GTF2F2: variants seen among roughly 807,000 people sequenced by gnomAD.
GTF2F2 encodes general transcription factor IIF subunit 2.
GTF2F2 carries 23 observed loss-of-function variants against 42.2 expected under a neutral mutation model. The observed-to-expected ratio is 0.55, with a 90% CI of 0.39 to 0.77. The LOEUF (loss-of-function observed/expected upper bound fraction) is 0.77. Ranked by LOEUF, GTF2F2 falls within the 30% of genes least tolerant of loss-of-function variation. The pLI, the probability that GTF2F2 is intolerant of heterozygous loss-of-function variation, is 0.00. For synonymous variants in GTF2F2, 105 were observed against 100.8 expected (o/e 1.04, Z -0.25); for missense variants, 261 against 287.2 (o/e 0.91, Z 0.66).
chr13:45,211,484 A>G (rs1260542664), intron 5 of GTF2F2, among the ~76,000 whole-genome samples: 1 of 150,664 alleles, frequency 6.6e-6, no homozygotes, highest in Admixed American at 6.6e-5. Context: ...GCCCAGGCTG[A>G]TCTCAAACTC....
intron 2 of GTF2F2, among the ~76,000 whole-genome samples, chr13:45,147,233 G>A (rs1361377919): frequency 2.0e-5 from 3 of 152,040 alleles, no homozygotes; most frequent in African/African-American, 7.2e-5. Context: ...ACAATTTAAT[G>A]ACCTGCTATG....
intron 4 of GTF2F2, among the ~76,000 whole-genome samples, chr13:45,205,158 GGGTAGTTTATAAAGGAAACA>G: frequency 6.6e-6 from 1 of 152,280 alleles, no homozygotes; most frequent in South Asian, 2.1e-4. Flanking sequence ...GCCTGAGACT[GGGTAGTTTATAAAGGAAACA>G]GGTTTAATTG....
chr13:45,131,518 G>A (rs889984471), intron 1 of GTF2F2, among the ~76,000 whole-genome samples: 2 of 152,174 alleles, frequency 1.3e-5, no homozygotes, highest in African/African-American at 2.4e-5. Flanking sequence ...GTGGCAGGGA[G>A]GAGAGCCTGT....
chr13:45,244,097 G>C (rs773870872), intron 5 of GTF2F2, among the ~76,000 whole-genome samples: 1 of 152,226 alleles, frequency 6.6e-6, no homozygotes, highest in Non-Finnish European at 1.5e-5. Context: ...CAATGACTTA[G>C]TGACACTGAG....
intron 6 of GTF2F2, among the ~76,000 whole-genome samples, chr13:45,253,287 G>A (rs1157863131): frequency 6.6e-6 from 1 of 152,040 alleles, no homozygotes; most frequent in Non-Finnish European, 1.5e-5. Flanking sequence ...AAATTACAAT[G>A]TACTAACTAA....
chr13:45,207,357 G>T, intron 4 of GTF2F2, 67 bp from the exon 5 acceptor site: 1 of 879,608 alleles, frequency 1.1e-6, no homozygotes, highest in South Asian at 1.4e-5. Flanking sequence ...ACTGTGTTTA[G>T]TGTGTCAAAA....
chr13:45,247,249 G>T (rs1287455412), intron 5 of GTF2F2, among the ~76,000 whole-genome samples: 1 of 149,034 alleles, frequency 6.7e-6, no homozygotes, highest in Non-Finnish European at 1.5e-5. Context: ...GTAATCCCAA[G>T]AATCGCTTTA....
chr13:45,230,691 A>G (rs183530325), intron 5 of GTF2F2, among the ~76,000 whole-genome samples: 1 of 152,260 alleles, frequency 6.6e-6, no homozygotes, highest in African/African-American at 2.4e-5. Flanking sequence ...TATGTTATAC[A>G]TAACTAGCTA....
At chr13:45,238,078 A>C (rs1204712349) in intron 5 of GTF2F2, among the ~76,000 whole-genome samples, 1 of 152,042 alleles carries the variant, frequency 6.6e-6, no homozygotes, top group African/African-American at 2.4e-5. Flanking sequence ...CTCAGCCTCC[A>C]GAGTAGCTGG....
chr13:45,264,998 C>T (rs1199641359), intron 6 of GTF2F2, among the ~76,000 whole-genome samples: 8 of 152,130 alleles, frequency 5.3e-5, no homozygotes, highest in Admixed American at 2.6e-4. Context: ...TGGTGGCTCA[C>T]GCCTGTAATC....
intron 5 of GTF2F2, among the ~76,000 whole-genome samples, chr13:45,246,583 G>A (rs1208983460): frequency 6.6e-6 from 1 of 152,074 alleles, no homozygotes; most frequent in Non-Finnish European, 1.5e-5. Flanking sequence ...ATTCTATTCT[G>A]CAAATAGTAG....
chr13:45,257,225 T>C (rs866866806), intron 6 of GTF2F2, among the ~76,000 whole-genome samples: 2 of 152,190 alleles, frequency 1.3e-5, no homozygotes, highest in Admixed American at 6.5e-5. Context: ...AAAAGAATTA[T>C]ATGATTATTT....
chr13:45,169,204 T>A (rs1418720334), intron 4 of GTF2F2, among the ~76,000 whole-genome samples: 3 of 152,058 alleles, frequency 2.0e-5, no homozygotes, highest in Non-Finnish European at 4.4e-5. Context: ...CCTCAGAATG[T>A]GACTGTATTT....
At chr13:45,161,509 A>G (rs1205493956) in intron 4 of GTF2F2, among the ~76,000 whole-genome samples, 1 of 152,088 alleles carries the variant, frequency 6.6e-6, no homozygotes, top group Non-Finnish European at 1.5e-5. Flanking sequence ...CATGCGTAAC[A>G]CTGAATTGCA....
At chr13:45,207,386 A>G in intron 4 of GTF2F2, 38 bp from the exon 5 acceptor site, 7 of 1,191,012 alleles carry the variant, frequency 5.9e-6, no homozygotes, top group Non-Finnish European at 8.8e-6. Context: ...TGAAAATGAT[A>G]AGTATTATCT....
intron 4 of GTF2F2, among the ~76,000 whole-genome samples, chr13:45,157,037 G>A (rs1255760582): frequency 6.6e-6 from 1 of 152,182 alleles, no homozygotes; most frequent in East Asian, 1.9e-4. Context: ...TGGGAATAAA[G>A]TGGGAAGTAG....
At chr13:45,264,243 C>T (rs1423515018) in intron 6 of GTF2F2, among the ~76,000 whole-genome samples, 24 of 150,640 alleles carry the variant, frequency 1.6e-4, no homozygotes, top group Non-Finnish European at 8.9e-5. Flanking sequence ...GCATGTAAAC[C>T]AAGATTTTTT....
intron 4 of GTF2F2, among the ~76,000 whole-genome samples, chr13:45,173,224 C>A (rs902227156): frequency 1.3e-5 from 2 of 151,894 alleles, no homozygotes; most frequent in Non-Finnish European, 2.9e-5. Flanking sequence ...AAAAATAATA[C>A]CGAGAGATTG....
intron 4 of GTF2F2, among the ~76,000 whole-genome samples, chr13:45,202,358 G>C (rs1183687118): frequency 2.0e-5 from 3 of 152,180 alleles, no homozygotes; most frequent in Non-Finnish European, 4.4e-5. Flanking sequence ...CTGCACTCCA[G>C]TCTAGGCAAC....
Sources: allele counts gnomAD v4.1 joint callset (sites outside exome capture counted in the v4.1 genomes callset), GRCh38; gene constraint gnomAD v4.1.1; transcripts MANE v1.5; gene names NCBI Gene and HGNC (gene_info 2026-07-23, HGNC 2026-07-21).